Variants in GRM8 observed in about 807,000 individuals in gnomAD.
GRM8 encodes the protein metabotropic glutamate receptor 8.
A neutral mutation model predicts 87.2 loss-of-function variants in GRM8; 47 were observed. The observed-to-expected ratio is 0.54, with a 90% confidence interval of 0.43 to 0.69. GRM8 has a LOEUF of 0.69. Among genes scored for constraint, GRM8 ranks in the 30% least tolerant of loss-of-function variants. The pLI is 0.00. For missense variants in GRM8, 1,019 were observed against 1,139.2 expected (o/e 0.89, Z 1.52); for synonymous variants, 396 against 404.5 (o/e 0.98, Z 0.25).
At chr7:126,881,553 G>C (rs3993596) in intron 6 of GRM8, among the ~76,000 whole-genome samples, 5 of 152,302 alleles carry the variant, frequency 3.3e-5, no homozygotes, top group East Asian at 3.9e-4. Context: ...GCAGAGCACA[G>C]GGAAGACATG....
At chr7:126,565,366 A>G (rs1470055778) in intron 8 of GRM8, among the ~76,000 whole-genome samples, 1 of 152,224 alleles carries the variant, frequency 6.6e-6, no homozygotes, top group African/African-American at 2.4e-5. Context: ...TAAATGATAC[A>G]AAATCAACAT....
rs112965680 is a variant in GRM8, at chr7:126,560,993, A to G, written c.1495-27106T>C. On this transcript the variant is annotated intron_variant, in intron 8 of 10. Coordinates refer to ENST00000339582, the MANE Select transcript of GRM8 (RefSeq NM_000845.3). ...TTCAATACTAGAAATCAGATCTTTTATCTAAGACTTGATTAGTCAGCTTTA... is the reference window on the plus strand; with the variant it reads ...TTCAATACTAGAAATCAGATCTTTTGTCTAAGACTTGATTAGTCAGCTTTA... Among the ~76,000 whole-genome samples the G allele has an allele frequency of 3.4e-3, 524 of 152,310 alleles. 3 individuals are homozygous for G. The highest frequency in any genetic ancestry group is 0.012 in the African/African-American group (479 of 41,566).
At chr7:126,714,137 G>T (rs1411573541) in intron 7 of GRM8, among the ~76,000 whole-genome samples, 1 of 151,162 alleles carries the variant, frequency 6.6e-6, no homozygotes, top group Non-Finnish European at 1.5e-5. Context: ...AATTAGCTGG[G>T]TGTGGTGATG....
At chr7:127,202,364 A>G (rs1587264499) in intron 2 of GRM8, among the ~76,000 whole-genome samples, 1 of 152,002 alleles carries the variant, frequency 6.6e-6, no homozygotes. Flanking sequence ...TTTTAGTAGA[A>G]ACAGGGTTTT....
chr7:126,467,607 T>C (rs868304955), intron 9 of GRM8, among the ~76,000 whole-genome samples: 17 of 152,160 alleles, frequency 1.1e-4, no homozygotes, highest in Middle Eastern at 3.4e-3. Context: ...TAAGTATAGT[T>C]AGTCTAGTTC....
chr7:127,015,137 G>GAAGAAGC (rs1265914082), intron 3 of GRM8, among the ~76,000 whole-genome samples: 2 of 136,046 alleles, frequency 1.5e-5, no homozygotes, highest in Admixed American at 7.9e-5. Flanking sequence ...GAAGGAGAAG[G>GAAGAAGC]AAGAAGGAAG....
chr7:126,849,701 CT>C (rs1392161984), intron 6 of GRM8, among the ~76,000 whole-genome samples: 1 of 152,122 alleles, frequency 6.6e-6, no homozygotes, highest in Non-Finnish European at 1.5e-5. Context: ...CATCCCCATT[CT>C]TTAAGAACCA....
intron 9 of GRM8, among the ~76,000 whole-genome samples, chr7:126,483,226 G>A (rs1386469477): frequency 6.7e-6 from 1 of 149,742 alleles, no homozygotes; most frequent in Non-Finnish European, 1.5e-5. Context: ...ATGGTCTATT[G>A]AAGGGCTGAC....
chr7:127,136,846 G>A (rs1827969336), intron 2 of GRM8, among the ~76,000 whole-genome samples: 1 of 151,766 alleles, frequency 6.6e-6, no homozygotes. Context: ...AGATTGCTAA[G>A]AGCTCAAGCT....
chr7:127,117,981 C>T (rs1208592835), intron 2 of GRM8, among the ~76,000 whole-genome samples: 2 of 152,220 alleles, frequency 1.3e-5, no homozygotes, highest in South Asian at 2.1e-4. Context: ...TTGATAAGGA[C>T]GTTTATGCAA....
chr7:127,041,539 G>A (rs1441898876), intron 3 of GRM8, among the ~76,000 whole-genome samples: 2 of 152,186 alleles, frequency 1.3e-5, no homozygotes, highest in African/African-American at 4.8e-5. Context: ...CCATTTAAGA[G>A]GAAGACAAAT....
rs143992685 is a variant in GRM8, at chr7:126,533,718, A to C, written c.1664T>G (p.Leu555Arg). The change falls in exon 9 of 11, where the codon CTT becomes CGT. Residue 555 changes from leucine (L) to arginine (R), a missense_variant. Transcript: ENST00000339582. ...NYQVDELSCE[L>R]CPLDQRPNMN... ...GTTGGGTCTCTGATCCAGAGGGCAAAGTTCACAGGACAGCTCATCCACCTG... is the reference window on the plus strand; with the variant it reads ...GTTGGGTCTCTGATCCAGAGGGCAACGTTCACAGGACAGCTCATCCACCTG... The C allele has an allele frequency of 7.0e-5, 113 of 1,614,072 alleles. No individual in the cohort carries two copies. The East Asian group carries it at 2.5e-3, about 35-fold the overall frequency.
At chr7:126,481,735 A>ACGACT (rs1412423583) in intron 9 of GRM8, among the ~76,000 whole-genome samples, 1 of 152,102 alleles carries the variant, frequency 6.6e-6, no homozygotes, top group African/African-American at 2.4e-5. Context: ...GTTAGATCTT[A>ACGACT]CGACTCAAAG....
At chr7:127,052,757 A>G (rs966841285) in intron 3 of GRM8, among the ~76,000 whole-genome samples, 5 of 152,168 alleles carry the variant, frequency 3.3e-5, no homozygotes, top group Non-Finnish European at 4.4e-5. Context: ...AGCTTTTTCA[A>G]TGAAAGAAAG....
At chr7:126,973,943 C>T (rs1248910692) in intron 3 of GRM8, among the ~76,000 whole-genome samples, 1 of 152,076 alleles carries the variant, frequency 6.6e-6, no homozygotes, top group Admixed American at 6.6e-5. Context: ...GGTTGAGTAT[C>T]CCTAATCCAA....
chr7:126,819,267 G>GACACAC (rs1326195595), intron 6 of GRM8, among the ~76,000 whole-genome samples: 1 of 54,862 alleles, frequency 1.8e-5, no homozygotes, highest in Non-Finnish European at 4.2e-5. Context: ...TATTCAGACA[G>GACACAC]ACACACATAC....
chr7:127,167,859 T>C (rs1016121497), intron 2 of GRM8, among the ~76,000 whole-genome samples: 24 of 152,080 alleles, frequency 1.6e-4, no homozygotes, highest in Non-Finnish European at 2.9e-4. Flanking sequence ...AGCCTCTCAC[T>C]ATAAATCAAA....
intron 3 of GRM8, among the ~76,000 whole-genome samples, chr7:127,071,939 C>T (rs1821733312): frequency 6.6e-6 from 1 of 151,948 alleles, no homozygotes; most frequent in Non-Finnish European, 1.5e-5. Flanking sequence ...TCCCACATGC[C>T]CAGCTTTGCT....
At chr7:126,456,965 C>T (rs1803317742) in intron 9 of GRM8, among the ~76,000 whole-genome samples, 1 of 151,320 alleles carries the variant, frequency 6.6e-6, no homozygotes, top group Admixed American at 6.6e-5. Flanking sequence ...AGAAATGGTG[C>T]CACAGATGAT....
Sources: allele counts gnomAD v4.1 joint callset (sites outside exome capture counted in the v4.1 genomes callset), GRCh38; gene constraint gnomAD v4.1.1; transcripts MANE v1.5; gene names NCBI Gene and HGNC (gene_info 2026-07-23, HGNC 2026-07-21).